Variants in PRDM11 observed in about 807,000 individuals in gnomAD.
PRDM11 encodes the protein PR domain-containing protein 11.
Under a neutral mutation model 97.8 loss-of-function variants are expected in PRDM11, and 20 were observed. That is an observed-to-expected ratio of 0.20 (90% CI 0.14 to 0.30). The LOEUF (loss-of-function observed/expected upper bound fraction) is 0.30. Among genes scored for constraint, PRDM11 ranks in the 10% least tolerant of loss-of-function variants. PRDM11 has a pLI of 1.00. For missense variants in PRDM11, 1,139 were observed against 1,555.2 expected (o/e 0.73, Z 4.50); for synonymous variants, 599 against 637.7 (o/e 0.94, Z 0.91).
intron 1 of PRDM11, among the ~76,000 whole-genome samples, chr11:45,166,462 A>T (rs937836807): frequency 1.3e-5 from 2 of 152,204 alleles, no homozygotes; most frequent in African/African-American, 4.8e-5. Flanking sequence ...AGATACGAGC[A>T]CTGGTTGGTC....
At chr11:45,217,604 G>A (rs1853995177) in intron 5 of PRDM11, among the ~76,000 whole-genome samples, 1 of 152,194 alleles carries the variant, frequency 6.6e-6, no homozygotes, top group Non-Finnish European at 1.5e-5. Flanking sequence ...CTCCTTCTGA[G>A]GTCTTGCAGC....
At chr11:45,147,584 A>C (rs1052119897) in intron 1 of PRDM11, 5 of 152,426 alleles carry the variant, frequency 3.3e-5, no homozygotes, top group Non-Finnish European at 5.9e-5. Context: ...TCCCCAAGGT[A>C]CTCTCCTATG....
At chr11:45,115,531 GAGAA>G (rs1852281619) in intron 1 of PRDM11, among the ~76,000 whole-genome samples, 1 of 152,092 alleles carries the variant, frequency 6.6e-6, no homozygotes, top group Non-Finnish European at 1.5e-5. Context: ...TGAGCTAAAA[GAGAA>G]AGAACCAATT....
chr11:45,228,265 T>TTATATATA lies in PRDM11; in HGVS notation c.*119_*126dup, dbSNP rs371239644. 0.013 allele frequency: 1,547 copies of TTATATATA among 119,364 alleles called. 15 individuals carry two copies. The highest frequency in any genetic ancestry group is 0.016 in the South Asian group (50 of 3,100). 7.4% of individuals were successfully genotyped at this position (119,364 alleles called of 1,614,324 possible). A position where few individuals can be genotyped will look rare whatever the true frequency, so the allele number is the denominator to read the frequency against. ...ATATATTATATTATATTATATTATATTATATATATATATATATATAAACTC... is the reference window on the plus strand; with the variant it reads ...ATATATTATATTATATTATATTATATTATATATATATATATATATATATATATAAACTC... On this transcript the variant is annotated 3_prime_UTR_variant, in exon 8 of 8. Coordinates refer to ENST00000683152, the MANE Select transcript of PRDM11 (RefSeq NM_001384648.1).
At chr11:45,135,716 A>G (rs142447571) in intron 1 of PRDM11, among the ~76,000 whole-genome samples, 8 of 152,318 alleles carry the variant, frequency 5.3e-5, no homozygotes, top group South Asian at 2.1e-4. Context: ...GGAAAACTCA[A>G]TATTATGGGA....
intron 5 of PRDM11, among the ~76,000 whole-genome samples, chr11:45,217,520 G>T (rs906338364): frequency 6.6e-6 from 1 of 152,244 alleles, no homozygotes; most frequent in Non-Finnish European, 1.5e-5. Flanking sequence ...CCATGGTGGA[G>T]CCTGTGGCTT....
At chr11:45,174,321 T>C (rs1171003980) in intron 1 of PRDM11, among the ~76,000 whole-genome samples, 1 of 152,250 alleles carries the variant, frequency 6.6e-6, no homozygotes, top group African/African-American at 2.4e-5. Flanking sequence ...GTCAAATTTC[T>C]TTGCTTTTGC....
chr11:45,212,827 C>T (rs984488810), intron 5 of PRDM11: 7 of 451,696 alleles, frequency 1.5e-5, no homozygotes, highest in African/African-American at 6.0e-5. Flanking sequence ...AGGCCATGGC[C>T]GAGCTGACCA....
upstream of PRDM11, among the ~76,000 whole-genome samples, chr11:45,094,184 G>C (rs1851851037): frequency 6.6e-6 from 1 of 152,238 alleles, no homozygotes; most frequent in Non-Finnish European, 1.5e-5. Context: ...TGCAGTTGCA[G>C]CTCAATGAAT....
chr11:45,119,619 CAAAAAAAAAAAAAAAAA>C (rs56367204), intron 1 of PRDM11, among the ~76,000 whole-genome samples: 4 of 43,048 alleles, frequency 9.3e-5, no homozygotes, highest in Admixed American at 2.9e-4. Flanking sequence ...GATTCTGTCT[CAAAAAAAAAAAAAAAAA>C]AAAAAAAAAA....
At chr11:45,133,357 A>G (rs905339976) in intron 1 of PRDM11, among the ~76,000 whole-genome samples, 6 of 152,186 alleles carry the variant, frequency 3.9e-5, no homozygotes, top group Middle Eastern at 6.3e-3. Flanking sequence ...TCCCTGTTGC[A>G]TTTAACCCTA....
intron 4 of PRDM11, among the ~76,000 whole-genome samples, chr11:45,194,945 C>T (rs1456842650): frequency 6.6e-6 from 1 of 151,906 alleles, no homozygotes; most frequent in Non-Finnish European, 1.5e-5. Context: ...CTTAAAAGGC[C>T]ATGTTACTTA....
chr11:45,168,884 TC>T (rs1655089927), intron 1 of PRDM11, among the ~76,000 whole-genome samples: 1 of 152,178 alleles, frequency 6.6e-6, no homozygotes, highest in African/African-American at 2.4e-5. Context: ...GAGACTGCAC[TC>T]CTGGCAGCCT....
At chr11:45,217,349 C>T (rs921058217) in intron 5 of PRDM11, among the ~76,000 whole-genome samples, 5 of 152,106 alleles carry the variant, frequency 3.3e-5, no homozygotes, top group Non-Finnish European at 5.9e-5. Context: ...TGGCTGGGTG[C>T]GTGGAAATCA....
chr11:45,094,972 A>G (rs373770550), upstream of PRDM11, among the ~76,000 whole-genome samples: 5 of 152,030 alleles, frequency 3.3e-5, no homozygotes, highest in Admixed American at 1.3e-4. Context: ...GCAGAAGGAG[A>G]TAAACAGAGT....
Position 45,219,845 on chromosome 11 carries a change from C to T in PRDM11, c.742+88C>T, listed in dbSNP as rs1430621857. 4.3e-6 allele frequency: 6 copies of T among 1,404,164 alleles called. No individual in the cohort carries two copies. Among genetic ancestry groups the T allele is most frequent in the African/African-American group, 1.4e-5 (1 of 69,592 alleles). 87.0% of individuals were successfully genotyped at this position (1,404,164 alleles called of 1,614,324 possible). ...TTGTTTTGGAGCTTCCTGAGAAATA[C>T]GGTTCCCAGCAATGGGAAGACCCAG... is the stretch of plus-strand genomic sequence containing the variant. On this transcript the variant is annotated intron_variant, in intron 6 of 7. Transcript: ENST00000683152. This position sits in a 1 kb window ranked among gnomAD's most constrained non-coding sequence, Gnocchi z 4.2.
chr11:45,138,849 C>A (rs1342770589), intron 1 of PRDM11, among the ~76,000 whole-genome samples: 1 of 152,004 alleles, frequency 6.6e-6, no homozygotes, highest in Non-Finnish European at 1.5e-5. Context: ...AAACAGAAAA[C>A]ATCTAAATTT....
chr11:45,183,912 C>CCTG (rs1423889212), intron 4 of PRDM11, among the ~76,000 whole-genome samples: 1 of 152,170 alleles, frequency 6.6e-6, no homozygotes, highest in Non-Finnish European at 1.5e-5. Context: ...TCAGATAAAT[C>CCTG]CTGCCTTCAT....
intron 4 of PRDM11, among the ~76,000 whole-genome samples, chr11:45,202,124 A>G (rs985198293): frequency 2.0e-5 from 3 of 152,102 alleles, no homozygotes; most frequent in Non-Finnish European, 4.4e-5. Flanking sequence ...TTTCTCTTTA[A>G]CTTGCTTTTT....
Sources: allele counts gnomAD v4.1 joint callset (sites outside exome capture counted in the v4.1 genomes callset), GRCh38; gene constraint gnomAD v4.1.1; non-coding constraint Gnocchi (gnomAD v3.1); transcripts MANE v1.5; gene names NCBI Gene and HGNC (gene_info 2026-07-23, HGNC 2026-07-21).